UBAP2: variants seen among roughly 807,000 people sequenced by gnomAD.
UBAP2 encodes the protein ubiquitin-associated protein 2.
In UBAP2, 75 loss-of-function variants were observed where a neutral mutation model predicts 139.6. That is an observed-to-expected ratio of 0.54 (90% CI 0.45 to 0.65). The LOEUF (loss-of-function observed/expected upper bound fraction) is 0.65. Among genes scored for constraint, UBAP2 ranks in the 30% least tolerant of loss-of-function variants. The probability of loss-of-function intolerance (pLI) is 0.00; values close to 1 mark genes in which losing one functional copy is unlikely to be tolerated. For synonymous variants in UBAP2, 526 were observed against 526.2 expected, an observed-to-expected ratio of 1.00 and a Z score of 0.01; for missense variants, 1,368 against 1,369.6, an observed-to-expected ratio of 1.00 and a Z score of 0.02.
chr9:33,984,071 T>C (rs1054425611), intron 6 of UBAP2, among the ~76,000 whole-genome samples: 29 of 152,022 alleles, frequency 1.9e-4, no homozygotes, highest in Admixed American at 2.6e-4. Flanking sequence ...GCCCAGCTAA[T>C]TTTTGTATTT....
intron 11 of UBAP2, among the ~76,000 whole-genome samples, chr9:33,954,246 T>C: frequency 1.0e-5 from 1 of 100,232 alleles, no homozygotes; most frequent in South Asian, 3.3e-4. Context: ...TTCTATCCCA[T>C]AATACATTTA....
intron 16 of UBAP2, chr9:33,938,795 C>CAA (rs10577457): frequency 2.5e-3 from 790 of 310,032 alleles, no homozygotes; most frequent in Non-Finnish European, 3.3e-3. Flanking sequence ...GACTCCATCT[C>CAA]AAAAAAAAAA....
intron 12 of UBAP2, among the ~76,000 whole-genome samples, chr9:33,950,802 C>T (rs1460114820): frequency 6.6e-6 from 1 of 152,238 alleles, no homozygotes; most frequent in Non-Finnish European, 1.5e-5. Flanking sequence ...TCAATGACTA[C>T]TGCCATGTCC....
At chr9:34,018,926 AT>A (rs1210866189) in intron 1 of UBAP2, among the ~76,000 whole-genome samples, 1 of 152,132 alleles carries the variant, frequency 6.6e-6, no homozygotes, top group Non-Finnish European at 1.5e-5. Flanking sequence ...ACCATTATTC[AT>A]AATAGCCAAA....
At chr9:34,038,485 G>A (rs1353532717) in intron 1 of UBAP2, among the ~76,000 whole-genome samples, 2 of 152,208 alleles carry the variant, frequency 1.3e-5, no homozygotes, top group African/African-American at 2.4e-5. Flanking sequence ...GGGTTTCGCT[G>A]TGTTGGCCGG....
Position 34,021,997 on chromosome 9 carries a change from C to A in UBAP2, c.-41-4808G>T, listed in dbSNP as rs147932220. Reference sequence around the variant, plus strand: ...CCGTGGCTCACACCTGTAATCCCAACACTTTGGGAAGCCAAGGCAGACAGA... The same window carrying A: ...CCGTGGCTCACACCTGTAATCCCAAAACTTTGGGAAGCCAAGGCAGACAGA... On this transcript the variant is annotated intron_variant, in intron 1 of 28. Coordinates refer to ENST00000379238, the MANE Select transcript of UBAP2 (RefSeq NM_001370062.2). Among the ~76,000 whole-genome samples the A allele has an allele frequency of 5.5e-3, 842 of 152,232 alleles. 11 individuals are homozygous for A. Among genetic ancestry groups the A allele is most frequent in the African/African-American group, 0.019 (771 of 41,554 alleles).
intron 8 of UBAP2, chr9:33,968,643 CTTAA>C (rs1279518620): frequency 3.7e-6 from 1 of 270,818 alleles, no homozygotes; most frequent in African/African-American, 2.2e-5. Context: ...GATTTTTCTC[CTTAA>C]TTTTGTTAAA....
chr9:33,938,994 G>A, intron 16 of UBAP2: 2 of 410,998 alleles, frequency 4.9e-6, no homozygotes, highest in South Asian at 3.5e-5. Context: ...ATCCAAGACG[G>A]ACAAGGGACA....
intron 2 of UBAP2, among the ~76,000 whole-genome samples, chr9:34,006,238 GAAA>G (rs796874509): frequency 2.4e-5 from 2 of 81,936 alleles, no homozygotes; most frequent in African/African-American, 4.2e-5. Context: ...ATCTCAAAAA[GAAA>G]AAAAAAAAAA....
chr9:33,995,476 A>AATATATTTACATTATTAAATAT (rs1822099794), intron 4 of UBAP2: 1 of 138,270 alleles, frequency 7.2e-6, no homozygotes, highest in Admixed American at 7.9e-5. Context: ...TAAATATATA[A>AATATATTTACATTATTAAATAT]ATATATTTAT....
At chr9:34,020,006 A>G (rs182449762) in intron 1 of UBAP2, among the ~76,000 whole-genome samples, 10 of 151,984 alleles carry the variant, frequency 6.6e-5, no homozygotes, top group Admixed American at 5.9e-4. Flanking sequence ...CTAAAAATAC[A>G]AAAATTAGCC....
chr9:33,971,204 G>C (rs1827893040), intron 8 of UBAP2, among the ~76,000 whole-genome samples: 2 of 152,118 alleles, frequency 1.3e-5, no homozygotes, highest in Admixed American at 1.3e-4. Flanking sequence ...AAATAATCCA[G>C]AAACAGCATG....
At chr9:34,004,016 A>G (rs1822961241) in intron 2 of UBAP2, among the ~76,000 whole-genome samples, 1 of 152,024 alleles carries the variant, frequency 6.6e-6, no homozygotes, top group Non-Finnish European at 1.5e-5. Flanking sequence ...CACCACGCCC[A>G]GCCCCAAATA....
intron 6 of UBAP2, among the ~76,000 whole-genome samples, chr9:33,975,603 C>T (rs1175346645): frequency 1.3e-5 from 2 of 150,080 alleles, no homozygotes; most frequent in African/African-American, 4.9e-5. Context: ...TCGAGACCAT[C>T]CTGGCTAACA....
At chr9:33,956,043 T>C (rs1203076333) in intron 11 of UBAP2, 36 bp downstream of exon 11, 2 of 1,534,608 alleles carry the variant, frequency 1.3e-6, no homozygotes, top group East Asian at 2.3e-5. Context: ...CTGTAATGCT[T>C]TGAATAACAA....
chr9:33,984,708 T>A, intron 6 of UBAP2, among the ~76,000 whole-genome samples: 1 of 149,764 alleles, frequency 6.7e-6, no homozygotes. Context: ...AGACAAAGGA[T>A]CTAAAAAGAC....
At chr9:34,011,118 G>A (rs1417379824) in intron 2 of UBAP2, among the ~76,000 whole-genome samples, 1 of 151,914 alleles carries the variant, frequency 6.6e-6, no homozygotes, top group African/African-American at 2.4e-5. Context: ...GCACTTGATG[G>A]GTGAAAGAAT....
intron 1 of UBAP2, among the ~76,000 whole-genome samples, chr9:34,045,341 T>C (rs1827481616): frequency 6.8e-6 from 1 of 146,040 alleles, no homozygotes. Flanking sequence ...GAGACTGTCT[T>C]CAAAAAAAAA....
rs775809130 is a variant in UBAP2 at position 33,988,985 on chromosome 9, G to A, written c.430C>T (p.Arg144Cys). The A allele has an allele frequency of 1.9e-6, 3 of 1,612,162 alleles. No homozygotes were observed. The highest frequency in any genetic ancestry group is 2.5e-6 in the Non-Finnish European group (3 of 1,179,438). The change falls in exon 5 of 29, where the codon CGT becomes TGT. Residue 144 changes from arginine to cysteine, a missense_variant. Coordinates refer to ENST00000379238, the MANE Select transcript of UBAP2 (RefSeq NM_001370062.2). ...NNNRKGRGGN[R>C]GREFRGEENG... The stretch of plus-strand genomic sequence containing the variant: ...AGTCTGTACTTACATTCTCTGCCAC[G>A]ATTGCCGCCTCTTCCTTTCCGGTTG...
Sources: gnomAD v4.1 joint callset for allele counts (sites outside exome capture counted in the v4.1 genomes callset) on GRCh38, gnomAD v4.1.1 for gene constraint, MANE v1.5 for transcripts, NCBI Gene and HGNC (gene_info 2026-07-23, HGNC 2026-07-21) for gene names.